Variants in NRXN3 observed in about 807,000 individuals in gnomAD.
NRXN3 encodes neurexin 3.
In NRXN3, 32 loss-of-function variants were observed where a neutral mutation model predicts 137.6. The observed-to-expected ratio is 0.23, with a 90% CI of 0.18 to 0.31. The LOEUF (loss-of-function observed/expected upper bound fraction) is 0.31, where lower values mean the gene tolerates loss of function less well. NRXN3 is among the 10% of genes least tolerant of loss of function. NRXN3 has a pLI of 1.00. For synonymous variants in NRXN3, 798 were observed against 784.5 expected, an observed-to-expected ratio of 1.02 and a Z score of -0.29; for missense variants, 1,574 against 2,062.5, an observed-to-expected ratio of 0.76 and a Z score of 4.59.
chr14:79,605,814 A>G (rs1175330306), intron 16 of NRXN3, among the ~76,000 whole-genome samples: 3 of 152,270 alleles, frequency 2.0e-5, no homozygotes, highest in African/African-American at 7.2e-5. Context: ...GATGGCCATC[A>G]CTGGTACAAC....
rs753181424 is a variant in NRXN3, at chr14:79,794,452, G to A, written c.4015-10660G>A. On this transcript the variant is annotated intron_variant, in intron 19 of 20. Coordinates refer to ENST00000335750, the MANE Select transcript of NRXN3 (RefSeq NM_001330195.2). ...CCCTATCTTTCCCTTTCATGTCATCGTCTTTACTGTAAATGGTTGGTTGAT... is the reference window on the plus strand; with the variant it reads ...CCCTATCTTTCCCTTTCATGTCATCATCTTTACTGTAAATGGTTGGTTGAT... 7.2e-5 allele frequency among the ~76,000 whole-genome samples: 11 copies of A among 151,962 alleles called. No individual in the cohort carries two copies. The South Asian group carries it at 1.5e-3, about 20-fold the overall frequency.
At chr14:78,770,181 G>T (rs2098722404) in intron 8 of NRXN3, among the ~76,000 whole-genome samples, 1 of 152,172 alleles carries the variant, frequency 6.6e-6, no homozygotes, top group Non-Finnish European at 1.5e-5. Context: ...TTGCAGATGA[G>T]TAAACTGTGG....
At chr14:79,115,183 G>A (rs1440199943) in intron 15 of NRXN3, among the ~76,000 whole-genome samples, 2 of 152,082 alleles carry the variant, frequency 1.3e-5, no homozygotes, top group Non-Finnish European at 2.9e-5. Flanking sequence ...AAATTAGACA[G>A]ACGTGGTGGC....
intron 15 of NRXN3, among the ~76,000 whole-genome samples, chr14:79,439,194 A>G (rs1049413725): frequency 1.3e-5 from 2 of 152,232 alleles, no homozygotes; most frequent in Non-Finnish European, 2.9e-5. Flanking sequence ...GGGTGTGAGT[A>G]TACGTATGTG....
At chr14:78,398,472 T>A (rs2091733671) in intron 4 of NRXN3, among the ~76,000 whole-genome samples, 1 of 152,118 alleles carries the variant, frequency 6.6e-6, no homozygotes, top group African/African-American at 2.4e-5. Context: ...ACTATTTCAT[T>A]CAGGTAAAAG....
At chr14:79,666,166 G>C (rs1336641077) in intron 17 of NRXN3, among the ~76,000 whole-genome samples, 3 of 152,060 alleles carry the variant, frequency 2.0e-5, no homozygotes, top group Non-Finnish European at 2.9e-5. Context: ...GATGATTTCT[G>C]TAATGCTTTC....
chr14:79,253,307 G>A (rs2076172002), intron 15 of NRXN3, among the ~76,000 whole-genome samples: 1 of 152,172 alleles, frequency 6.6e-6, no homozygotes, highest in Admixed American at 6.5e-5. Context: ...GGAACCCTGT[G>A]CGGCCATAGT....
intron 1 of NRXN3, among the ~76,000 whole-genome samples, chr14:78,206,787 T>A (rs1048369973): frequency 6.6e-6 from 1 of 152,172 alleles, no homozygotes; most frequent in Non-Finnish European, 1.5e-5. Context: ...AAGTGGGTGG[T>A]GAGCAACTTG....
intron 16 of NRXN3, among the ~76,000 whole-genome samples, chr14:79,547,975 G>A (rs1057490073): frequency 6.6e-6 from 1 of 152,034 alleles, no homozygotes; most frequent in African/African-American, 2.4e-5. Flanking sequence ...AGGAGAGGAA[G>A]TGTCAGTGGG....
At position 78,803,635 on chromosome 14, in the gene NRXN3, G is replaced by C; in HGVS notation, c.2060G>C (p.Ser687Thr). 1 of 1,613,912 alleles carries C rather than the reference G, an allele frequency of 6.2e-7. No homozygotes were observed. The highest frequency in any genetic ancestry group is 1.7e-5 in the Admixed American group (1 of 60,024). The part of the protein sequence containing the change: ...RTCEREASIL[S>T]YDGSMYMKII... ...TCTTTGGCAGAGGCATCCATCCTGA[G>C]CTATGATGGTAGCATGTACATGAAG... The change falls in exon 9 of 21, where the codon AGC becomes ACC. Residue 687 changes from serine to threonine, a missense_variant. Physicochemically the swap from Ser to Thr is moderately conservative, Grantham distance 58. Coordinates refer to ENST00000335750, the MANE Select transcript of NRXN3 (RefSeq NM_001330195.2).
chr14:79,033,839 C>T (rs1180581520), intron 15 of NRXN3, among the ~76,000 whole-genome samples: 3 of 152,076 alleles, frequency 2.0e-5, no homozygotes, highest in African/African-American at 7.2e-5. Flanking sequence ...TCTGGGTAGA[C>T]TAGTTTCAGC....
At chr14:78,339,026 C>T (rs1356228209) in intron 4 of NRXN3, among the ~76,000 whole-genome samples, 1 of 152,086 alleles carries the variant, frequency 6.6e-6, no homozygotes, top group East Asian at 1.9e-4. Flanking sequence ...ATATTATGGC[C>T]TCATTGGGTC....
rs778714451 is a variant in NRXN3 at position 78,709,257 on chromosome 14, G to A, written c.1262G>A (p.Arg421His). 1.7e-5 allele frequency: 27 copies of A among 1,613,982 alleles called. No individual in the cohort carries two copies. Among genetic ancestry groups the A allele is most frequent in the South Asian group, 1.6e-4 (15 of 91,068 alleles). The change falls in exon 7 of 21, where the codon CGC becomes CAC. Residue 421 changes from arginine (R) to histidine (H), a missense_variant. Physicochemically the swap from Arg to His is conservative, Grantham distance 29. This residue lies in a region of NRXN3 where 718 missense variants were observed against 887.6 expected (regional missense o/e 0.81). Coordinates refer to ENST00000335750, the MANE Select transcript of NRXN3 (RefSeq NM_001330195.2). ...AATGACATCCGTCTGGAGCTGTCTCGCCTGGCCCGGATTGCGGACACCAAG... is the reference window on the plus strand; with the variant it reads ...AATGACATCCGTCTGGAGCTGTCTCACCTGGCCCGGATTGCGGACACCAAG... Reference protein sequence around the residue: ...KNNDIRLELSRLARIADTKMK... With the variant: ...KNNDIRLELSHLARIADTKMK...
chr14:79,656,503 G>A (rs1020630190), intron 16 of NRXN3, among the ~76,000 whole-genome samples: 6 of 152,126 alleles, frequency 3.9e-5, no homozygotes, highest in Non-Finnish European at 8.8e-5. Flanking sequence ...AGCCGTGGTA[G>A]CTTTGACTTG....
chr14:79,444,199 C>T (rs61993140), intron 15 of NRXN3, among the ~76,000 whole-genome samples: 11,805 of 152,174 alleles, frequency 0.078, 629 homozygotes, highest in Middle Eastern at 0.13. Flanking sequence ...GAAAAATACC[C>T]GTGTGAACTA....
chr14:79,174,119 C>T (rs998741289), intron 15 of NRXN3, among the ~76,000 whole-genome samples: 2 of 152,020 alleles, frequency 1.3e-5, no homozygotes, highest in Non-Finnish European at 2.9e-5. Context: ...GGGAGAAGGG[C>T]AATATTAATT....
chr14:78,925,753 C>G (rs2099287174), intron 10 of NRXN3, among the ~76,000 whole-genome samples: 1 of 152,132 alleles, frequency 6.6e-6, no homozygotes, highest in East Asian at 1.9e-4. Context: ...AAGTACGAGG[C>G]CAGTCCTCAT....
chr14:78,228,156 T>C (rs1265437085), intron 1 of NRXN3, among the ~76,000 whole-genome samples: 1 of 145,600 alleles, frequency 6.9e-6, no homozygotes, highest in East Asian at 2.0e-4. Flanking sequence ...GAATTTTCTT[T>C]CTTTTTTTTT....
At chr14:79,016,778 C>A (rs1015615109) in intron 15 of NRXN3, among the ~76,000 whole-genome samples, 2 of 152,196 alleles carry the variant, frequency 1.3e-5, no homozygotes, top group African/African-American at 4.8e-5. Flanking sequence ...TCTTCTTACT[C>A]GCCAAGCTCT....
Sources: allele counts gnomAD v4.1 joint callset (sites outside exome capture counted in the v4.1 genomes callset), GRCh38; gene constraint gnomAD v4.1.1; regional missense constraint gnomAD v4.1.1; transcripts MANE v1.5; gene names NCBI Gene and HGNC (gene_info 2026-07-23, HGNC 2026-07-21).